Variants in FBN1 observed in about 807,000 individuals in gnomAD.
FBN1 encodes fibrillin 1, also known as fibrillin-1.
FBN1 carries 29 observed loss-of-function variants against 365.1 expected under a neutral mutation model. That is an observed-to-expected ratio of 0.08 (90% CI 0.06 to 0.11). The LOEUF (loss-of-function observed/expected upper bound fraction) is 0.11, where lower values mean the gene tolerates loss of function less well. FBN1 is among the 10% of genes least tolerant of loss of function. The pLI, the probability that FBN1 is intolerant of heterozygous loss-of-function variation, is 1.00. For missense variants in FBN1, 2,476 were observed against 3,703.2 expected, an observed-to-expected ratio of 0.67 and a Z score of 8.60; for synonymous variants, 1,210 against 1,270.5, an observed-to-expected ratio of 0.95 and a Z score of 1.01.
intron 4 of FBN1, among the ~76,000 whole-genome samples, chr15:48,605,084 C>T (rs950079310): frequency 4.6e-5 from 7 of 151,960 alleles, no homozygotes; most frequent in Admixed American, 2.6e-4. Context: ...TGTAAAGGGC[C>T]CCAAATTGAT....
At chr15:48,448,605 C>T (rs2043176715) in intron 46 of FBN1, among the ~76,000 whole-genome samples, 163 bp downstream of exon 46, 1 of 151,994 alleles carries the variant, frequency 6.6e-6, no homozygotes, top group African/African-American at 2.4e-5. Context: ...GTTCAGATTG[C>T]CAAAGATTAA....
intron 62 of FBN1, among the ~76,000 whole-genome samples, chr15:48,421,156 T>C (rs1307182620): frequency 1.3e-5 from 2 of 152,074 alleles, no homozygotes; most frequent in Non-Finnish European, 2.9e-5. Flanking sequence ...TCTAAAAATA[T>C]CATTTAAACT....
chr15:48,513,958 G>A (rs1278717772), intron 12 of FBN1, among the ~76,000 whole-genome samples: 1 of 152,144 alleles, frequency 6.6e-6, no homozygotes, highest in African/African-American at 2.4e-5. Flanking sequence ...TCTGATCTAA[G>A]AGGACCAAAC....
At chr15:48,436,819 T>C (rs1205915570) in intron 53 of FBN1, 142 bp downstream of exon 53, 6 of 709,164 alleles carry the variant, frequency 8.5e-6, no homozygotes, top group Admixed American at 7.7e-5. Context: ...CTCACTAGTA[T>C]TCTAAATGAA....
intron 2 of FBN1, among the ~76,000 whole-genome samples, chr15:48,639,818 G>T (rs2140778786): frequency 6.6e-6 from 1 of 152,236 alleles, no homozygotes; most frequent in South Asian, 2.1e-4. Flanking sequence ...CTGGGTTCAT[G>T]TTTAAAAACA....
At chr15:48,493,315 CA>C (rs140221118) in intron 23 of FBN1, among the ~76,000 whole-genome samples, 21 of 143,994 alleles carry the variant, frequency 1.5e-4, no homozygotes, top group South Asian at 4.4e-4. Context: ...TTGCCAATGC[CA>C]AAAAAAAAAG....
intron 58 of FBN1, 54 bp from the exon 59 acceptor site, chr15:48,425,918 A>G: frequency 7.1e-7 from 1 of 1,399,684 alleles, no homozygotes. Context: ...GACAACATTA[A>G]TATGTAGGGG....
intron 27 of FBN1, among the ~76,000 whole-genome samples, chr15:48,487,803 T>C (rs550166540): frequency 6.6e-6 from 1 of 152,310 alleles, no homozygotes; most frequent in Non-Finnish European, 1.5e-5. Context: ...TCTAGAAGTG[T>C]TGGACAGACA....
At chr15:48,559,779 A>G (rs1350840379) in intron 6 of FBN1, among the ~76,000 whole-genome samples, 4 of 152,230 alleles carry the variant, frequency 2.6e-5, no homozygotes, top group African/African-American at 4.8e-5. Flanking sequence ...GAAAGTTTTC[A>G]TATCTAAGCA....
At chr15:48,590,874 G>T (rs1208322068) in intron 6 of FBN1, among the ~76,000 whole-genome samples, 2 of 152,168 alleles carry the variant, frequency 1.3e-5, no homozygotes. Flanking sequence ...CTGATAGCCA[G>T]CATAACAGCC....
chr15:48,502,051 C>G (rs537515114), intron 17 of FBN1, among the ~76,000 whole-genome samples: 2 of 152,144 alleles, frequency 1.3e-5, no homozygotes, highest in East Asian at 3.9e-4. Context: ...TTTATTGAGA[C>G]AGAGTCTCGC....
In FBN1 at chr15:48,563,999, C is replaced by T. The variant is rs571762699; in HGVS notation, c.539-26191G>A. On this transcript the variant is annotated intron_variant, in intron 6 of 65. Transcript: ENST00000316623. Reference sequence around the variant, plus strand: ...AGTGCTCAAAATCTAGAAGGGCCAACGAGCAGGTATCACGCATGCTCTGCA... The same window carrying T: ...AGTGCTCAAAATCTAGAAGGGCCAATGAGCAGGTATCACGCATGCTCTGCA... Among the ~76,000 whole-genome samples, 19 of 152,268 alleles carry T rather than the reference C, an allele frequency of 1.2e-4. 1 individual carries two copies. The highest frequency in any genetic ancestry group is 4.3e-4 in the African/African-American group (18 of 41,546).
chr15:48,454,437 C>T (rs1362941226), intron 44 of FBN1, among the ~76,000 whole-genome samples: 1 of 152,000 alleles, frequency 6.6e-6, no homozygotes, highest in Non-Finnish European at 1.5e-5. Flanking sequence ...GGTTGTCTGT[C>T]TACAAAACAA....
intron 6 of FBN1, among the ~76,000 whole-genome samples, chr15:48,545,353 C>G (rs2044086595): frequency 6.6e-6 from 1 of 152,080 alleles, no homozygotes; most frequent in South Asian, 2.1e-4. Flanking sequence ...AATGTTTTAT[C>G]ATTAAATAAT....
chr15:48,641,853 T>C (rs1446690961), intron 2 of FBN1: 1 of 152,216 alleles, frequency 6.6e-6, no homozygotes, highest in Non-Finnish European at 1.5e-5. Flanking sequence ...GTAACGGCAA[T>C]AAGCAGAGGG....
At chr15:48,628,852 A>C (rs1467596737) in intron 2 of FBN1, among the ~76,000 whole-genome samples, 4 of 152,236 alleles carry the variant, frequency 2.6e-5, no homozygotes, top group African/African-American at 9.6e-5. Flanking sequence ...AAGAGAGACT[A>C]GTAGTAATGA....
At chr15:48,508,835 A>T in intron 14 of FBN1, 131 bp from the exon 15 acceptor site, 1 of 1,081,624 alleles carries the variant, frequency 9.2e-7, no homozygotes, top group Non-Finnish European at 1.3e-6. Flanking sequence ...GCTAACTTTC[A>T]TCCAAATAAG....
Position 48,460,276 on chromosome 15 carries a change from C to A in FBN1, c.5266G>T (p.Val1756Phe), listed in dbSNP as rs1597543470. 1.2e-6 allele frequency: 2 copies of A among 1,613,678 alleles called. No individual in the cohort carries two copies. Among genetic ancestry groups the A allele is most frequent in the Non-Finnish European group, 1.7e-6 (2 of 1,179,690 alleles). Residue 1756 changes from valine (V) to phenylalanine (F), a missense_variant, in exon 43 of 66, where the codon GTC becomes TTC. Coordinates refer to ENST00000316623, the MANE Select transcript of FBN1 (RefSeq NM_000138.5). ...TLCGSQRPGFVIDIYTGLPVD... is the reference protein window; with the variant it reads ...TLCGSQRPGFFIDIYTGLPVD... The stretch of plus-strand genomic sequence containing the variant: ...GGTAAACCGGTATAAATGTCGATGA[C>A]AAAGCCTGGCCTTTGACTTCCACAG...
intron 8 of FBN1, among the ~76,000 whole-genome samples, chr15:48,526,560 ATTTAT>A (rs374736463): frequency 1.3e-5 from 2 of 152,312 alleles, no homozygotes; most frequent in African/African-American, 4.8e-5. Context: ...TACAAATGTC[ATTTAT>A]TTTAAAATTT....
Sources: gnomAD v4.1 joint callset for allele counts (sites outside exome capture counted in the v4.1 genomes callset) on GRCh38, gnomAD v4.1.1 for gene constraint, MANE v1.5 for transcripts, NCBI Gene and HGNC (gene_info 2026-07-23, HGNC 2026-07-21) for gene names.